CALN1: variants seen among roughly 807,000 people sequenced by gnomAD.
CALN1 encodes the protein calcium-binding protein 8.
In CALN1, 17 loss-of-function variants were observed where a neutral mutation model predicts 30.6. The ratio of observed to expected loss-of-function variants is 0.56; its 90% CI spans 0.38 to 0.83. The LOEUF (loss-of-function observed/expected upper bound fraction) is 0.83, where lower values mean the gene tolerates loss of function less well. CALN1 is among the 40% of genes least tolerant of loss of function. The pLI, the probability that CALN1 is intolerant of heterozygous loss-of-function variation, is 0.00. For missense variants in CALN1, 291 were observed against 354.9 expected, an observed-to-expected ratio of 0.82 and a Z score of 1.45; for synonymous variants, 156 against 131.4, an observed-to-expected ratio of 1.19 and a Z score of -1.28.
At chr7:72,394,236 CCACT>C (rs1344018641) in intron 2 of CALN1, among the ~76,000 whole-genome samples, 12 of 152,194 alleles carry the variant, frequency 7.9e-5, no homozygotes, top group Non-Finnish European at 1.3e-4. Context: ...TCCTTCCCCT[CCACT>C]CTGGTGTCCT....
Position 72,106,797 on chromosome 7 carries a change from GAAGGGAGGGAGGAAGGAAGGGAGGGAGGA to G in CALN1, c.245-532_245-504del, listed in dbSNP as rs1483697913. 1.0e-4 allele frequency among the ~76,000 whole-genome samples: 7 copies of G among 67,390 alleles called. 1 individual carries two copies. The highest frequency in any genetic ancestry group is 8.8e-5 in the Non-Finnish European group (3 of 34,272). The allele number at this position is 67,390 out of a possible 152,430, so 44.2% of individuals were successfully genotyped here. A position where few individuals can be genotyped will look rare whatever the true frequency, so the allele number is the denominator to read the frequency against. ...GGGAGGAAGGAAGGGAGGGAGGAAGGAAGGGAGGGAGGAAGGAAGGGAGGGAGGAAGGAAGGGAGGGAGGGGAGGAGGAG... is the reference window on the plus strand; with the variant it reads ...GGGAGGAAGGAAGGGAGGGAGGAAGGAGGAAGGGAGGGAGGGGAGGAGGAG... On this transcript the variant is annotated intron_variant, in intron 3 of 6. Coordinates refer to ENST00000395275, the MANE Select transcript of CALN1 (RefSeq NM_031468.4).
chr7:72,184,997 G>A (rs1289511896), intron 3 of CALN1, among the ~76,000 whole-genome samples: 1 of 151,700 alleles, frequency 6.6e-6, no homozygotes, highest in East Asian at 1.9e-4. Context: ...AGAGATGAAG[G>A]TCTCACTGTG....
At chr7:72,052,305 C>A (rs1802884248) in intron 4 of CALN1, among the ~76,000 whole-genome samples, 3 of 152,144 alleles carry the variant, frequency 2.0e-5, no homozygotes, top group Admixed American at 2.0e-4. Flanking sequence ...GCCGTCCCGA[C>A]AAGTCGCCTC....
chr7:71,796,625 T>A (rs1268033908), intron 6 of CALN1, among the ~76,000 whole-genome samples: 2 of 152,194 alleles, frequency 1.3e-5, no homozygotes, highest in Non-Finnish European at 2.9e-5. Flanking sequence ...CCCAAAGTGC[T>A]GAGATTACAG....
intron 3 of CALN1, among the ~76,000 whole-genome samples, chr7:72,148,936 AGAAGGAAG>A (rs1010668231): frequency 7.1e-6 from 1 of 141,478 alleles, no homozygotes; most frequent in Non-Finnish European, 1.5e-5. Context: ...AAGAAAAAAA[AGAAGGAAG>A]GAAGGAAGGA....
chr7:72,416,472 C>A (rs181595674), upstream of CALN1, among the ~76,000 whole-genome samples: 1 of 152,148 alleles, frequency 6.6e-6, no homozygotes, highest in Non-Finnish European at 1.5e-5. Context: ...CGGTGGCTCA[C>A]GCTGTAATCC....
chr7:72,066,032 AC>A (rs1803999075), intron 4 of CALN1, among the ~76,000 whole-genome samples: 1 of 152,250 alleles, frequency 6.6e-6, no homozygotes, highest in Admixed American at 6.5e-5. Context: ...CTGTGGATCC[AC>A]ATCCAAGCTC....
intron 3 of CALN1, among the ~76,000 whole-genome samples, chr7:72,241,269 G>A (rs530300994): frequency 9.2e-5 from 14 of 152,310 alleles, no homozygotes; most frequent in African/African-American, 3.4e-4. Context: ...ACTAGGGGAA[G>A]GGAGAGTCGT....
chr7:71,805,622 C>A (rs1256309509), intron 6 of CALN1, among the ~76,000 whole-genome samples: 1 of 152,024 alleles, frequency 6.6e-6, no homozygotes, highest in Non-Finnish European at 1.5e-5. Context: ...AAAAATAAAC[C>A]AAATTTGACA....
intron 2 of CALN1, among the ~76,000 whole-genome samples, chr7:72,395,656 A>C (rs1369949829): frequency 6.6e-6 from 1 of 152,198 alleles, no homozygotes; most frequent in Non-Finnish European, 1.5e-5. Context: ...TCAGATTGCC[A>C]AGAGGTGGGG....
At chr7:72,448,520 C>G (rs990506482), upstream of CALN1, among the ~76,000 whole-genome samples, 1 of 152,132 alleles carries the variant, frequency 6.6e-6, no homozygotes, top group Non-Finnish European at 1.5e-5. Flanking sequence ...CACACCTCAT[C>G]CTCACAATAG....
intron 2 of CALN1, among the ~76,000 whole-genome samples, chr7:72,289,620 G>A (rs1258136164): frequency 6.6e-6 from 1 of 152,068 alleles, no homozygotes. Flanking sequence ...ATGTGCAGCA[G>A]TATACCAGCA....
At chr7:72,159,830 G>A (rs1271736972) in intron 3 of CALN1, among the ~76,000 whole-genome samples, 1 of 151,974 alleles carries the variant, frequency 6.6e-6, no homozygotes, top group Non-Finnish European at 1.5e-5. Flanking sequence ...GTGGGTAGGT[G>A]CAAAAAATAT....
At chr7:71,939,567 T>C (rs1454510015) in intron 5 of CALN1, among the ~76,000 whole-genome samples, 2 of 143,156 alleles carry the variant, frequency 1.4e-5, no homozygotes, top group Admixed American at 1.4e-4. Flanking sequence ...AGCAAGATGT[T>C]GTCTCAAAAA....
intron 2 of CALN1, among the ~76,000 whole-genome samples, chr7:72,358,817 C>T (rs539443384): frequency 6.1e-4 from 92 of 151,894 alleles, no homozygotes; most frequent in Non-Finnish European, 1.0e-3. Context: ...GGCATGGTGG[C>T]GGGCACCTAT....
At position 71,829,582 on chromosome 7, in the gene CALN1, C is replaced by T. The variant is rs372829582; in HGVS notation, c.502-19090G>A. 3.0e-4 allele frequency among the ~76,000 whole-genome samples: 45 copies of T among 152,322 alleles called. 1 individual carries two copies. The highest frequency in any genetic ancestry group is 1.8e-3 in the Admixed American group (28 of 15,296). On this transcript the variant is annotated intron_variant, in intron 5 of 6. Transcript: ENST00000395275. ...ACTCTGTCTGGAAGTAACTCATCAT[C>T]AGAAATCTGGACACAGGGTAGGCTG...
At chr7:72,094,102 T>C (rs1167943177) in intron 4 of CALN1, among the ~76,000 whole-genome samples, 6 of 152,096 alleles carry the variant, frequency 3.9e-5, no homozygotes, top group Non-Finnish European at 5.9e-5. Flanking sequence ...TAGAATCAGA[T>C]TGGCATATCC....
At chr7:72,134,020 G>C (rs769181934) in intron 3 of CALN1, among the ~76,000 whole-genome samples, 21 of 152,180 alleles carry the variant, frequency 1.4e-4, no homozygotes, top group Non-Finnish European at 2.6e-4. Context: ...GGCATTAAAA[G>C]GCCTTTGGGG....
At chr7:71,829,662 G>A (rs749146818) in intron 5 of CALN1, among the ~76,000 whole-genome samples, 1 of 152,190 alleles carries the variant, frequency 6.6e-6, no homozygotes, top group Non-Finnish European at 1.5e-5. Context: ...GGGCCCTGAG[G>A]GTAAGCTGTG....
Sources: allele counts gnomAD v4.1 joint callset (sites outside exome capture counted in the v4.1 genomes callset), GRCh38; gene constraint gnomAD v4.1.1; transcripts MANE v1.5; gene names NCBI Gene and HGNC (gene_info 2026-07-23, HGNC 2026-07-21).